Variants in NCK2 observed in about 807,000 individuals in gnomAD.
NCK2 encodes cytoplasmic protein NCK2.
In NCK2, 16 loss-of-function variants were observed where a neutral mutation model predicts 33.9. The ratio of observed to expected loss-of-function variants is 0.47; its 90% CI spans 0.32 to 0.72. NCK2 has a LOEUF of 0.72. NCK2 is among the 30% of genes least tolerant of loss of function. The pLI is 0.03. For missense variants in NCK2, 418 were observed against 537.3 expected (o/e 0.78, Z 2.19); for synonymous variants, 273 against 239.9 (o/e 1.14, Z -1.27).
At chr2:105,772,435 C>T (rs1301190906) in intron 1 of NCK2, among the ~76,000 whole-genome samples, 1 of 152,066 alleles carries the variant, frequency 6.6e-6, no homozygotes, top group Non-Finnish European at 1.5e-5. Context: ...TCCTGGGTTT[C>T]ACTTTAGCCC....
At chr2:105,781,164 C>T (rs1690483430) in intron 1 of NCK2, among the ~76,000 whole-genome samples, 1 of 147,856 alleles carries the variant, frequency 6.8e-6, no homozygotes, top group South Asian at 2.1e-4. Context: ...CTTCCCATTT[C>T]CTAGAGGTGC....
chr2:105,872,948 G>A (rs904807052), intron 3 of NCK2, among the ~76,000 whole-genome samples: 2 of 152,184 alleles, frequency 1.3e-5, no homozygotes, highest in Non-Finnish European at 2.9e-5. Flanking sequence ...CATTAGCAGC[G>A]CCTGTCCTCT....
At chr2:105,814,818 G>A (rs140855100) in intron 1 of NCK2, among the ~76,000 whole-genome samples, 289 of 152,324 alleles carry the variant, frequency 1.9e-3, no homozygotes, top group African/African-American at 6.7e-3. Flanking sequence ...CAGGGGGGAG[G>A]CCTGTATTTG....
intron 1 of NCK2, among the ~76,000 whole-genome samples, chr2:105,773,826 T>C (rs1366340915): frequency 6.6e-6 from 1 of 152,146 alleles, no homozygotes; most frequent in Non-Finnish European, 1.5e-5. Flanking sequence ...GAATCGGTAG[T>C]GGTGTGGACT....
intron 2 of NCK2, among the ~76,000 whole-genome samples, chr2:105,822,543 T>C (rs1044399642): frequency 2.0e-5 from 3 of 152,030 alleles, no homozygotes; most frequent in Non-Finnish European, 4.4e-5. Flanking sequence ...CGTTCTTGCA[T>C]AGTCAATAAC....
chr2:105,815,674 C>T (rs535244307), intron 1 of NCK2, among the ~76,000 whole-genome samples: 37 of 152,264 alleles, frequency 2.4e-4, no homozygotes, highest in Middle Eastern at 3.4e-3. Context: ...TTGGAGTGTT[C>T]GTCTCAGAAG....
chr2:105,794,375 T>C (rs1169066041), intron 1 of NCK2, among the ~76,000 whole-genome samples: 1 of 152,164 alleles, frequency 6.6e-6, no homozygotes, highest in African/African-American at 2.4e-5. Flanking sequence ...TTATATTTCC[T>C]TTATGCTGAA....
chr2:105,749,583 G>A (rs1226263209), intron 1 of NCK2, among the ~76,000 whole-genome samples: 2 of 152,192 alleles, frequency 1.3e-5, no homozygotes, highest in African/African-American at 2.4e-5. Context: ...GAACACCAAC[G>A]TGTTGCTGGG....
At chr2:105,857,116 C>G (rs1002808598) in intron 3 of NCK2, 1 of 150,466 alleles carries the variant, frequency 6.6e-6, no homozygotes, top group African/African-American at 2.5e-5. Flanking sequence ...CAAGGCAAGG[C>G]GAGTTCTCTG....
rs751947127 is a variant in NCK2, at chr2:105,870,041, G to A, written c.227-11287G>A. Among the ~76,000 whole-genome samples the A allele has an allele frequency of 3.3e-5, 5 of 152,116 alleles. No homozygotes were observed. The East Asian group carries it at 5.8e-4, about 18-fold the overall frequency. ...GGACACAAGGACCCATGTGGTGGTC[G>A]GGAGGGTGGGTCCTTTGCCCCAACA... On this transcript the variant is annotated intron_variant, in intron 3 of 4. Transcript: ENST00000233154.
chr2:105,751,777 G>C (rs915098819), intron 1 of NCK2, among the ~76,000 whole-genome samples: 2 of 152,130 alleles, frequency 1.3e-5, no homozygotes, highest in African/African-American at 4.8e-5. Context: ...TGCAGAAAAT[G>C]GTGCGTATGT....
intron 1 of NCK2, among the ~76,000 whole-genome samples, chr2:105,788,545 T>C (rs1312873183): frequency 6.6e-6 from 1 of 152,192 alleles, no homozygotes; most frequent in Non-Finnish European, 1.5e-5. Flanking sequence ...ATATTTTTGA[T>C]ATTTAACATA....
chr2:105,893,902 T>G lies in NCK2; in HGVS notation c.*726T>G, dbSNP rs567528806. On this transcript the variant is annotated 3_prime_UTR_variant, in exon 5 of 5. Transcript: ENST00000233154. ...TGTATTTAATTCTCAAAGAAATATG[T>G]ATCTGTAGCCGTTTGTTGACACTAA... 1 of 152,738 alleles carries G rather than the reference T, an allele frequency of 6.5e-6. No homozygotes were observed. Among genetic ancestry groups the G allele is most frequent in the African/African-American group, 2.4e-5 (1 of 41,548 alleles). The allele number at this position is 152,738 out of a possible 1,614,324, so 9.5% of individuals were successfully genotyped here.
Position 105,881,692 on chromosome 2 carries a change from G to A in NCK2, c.591G>A (p.Leu197=). The A allele has an allele frequency of 1.9e-6, 3 of 1,614,066 alleles. No individual in the cohort carries two copies. Among genetic ancestry groups the A allele is most frequent in the Non-Finnish European group, 2.5e-6 (3 of 1,179,940 alleles). Reference sequence around the variant, plus strand: ...GCAATGGCCAGGGCTCCCGCGTGCTGCATGTGGTCCAGACGCTGTACCCCT... The same window carrying A: ...GCAATGGCCAGGGCTCCCGCGTGCTACATGTGGTCCAGACGCTGTACCCCT... The part of the protein sequence containing the change: ...SLSNGQGSRV[L]HVVQTLYPFS... The change falls in exon 4 of 5, where the codon CTG becomes CTA. Residue 197 remains leucine (L), a synonymous_variant. Transcript: ENST00000233154.
chr2:105,823,345 G>T (rs187018265), intron 2 of NCK2, among the ~76,000 whole-genome samples: 3 of 151,942 alleles, frequency 2.0e-5, no homozygotes, highest in Non-Finnish European at 4.4e-5. Flanking sequence ...CTGGTGGAGG[G>T]TGTGGGAGGG....
chr2:105,825,483 A>G (rs1159145599), intron 2 of NCK2, among the ~76,000 whole-genome samples: 2 of 152,254 alleles, frequency 1.3e-5, no homozygotes, highest in East Asian at 3.8e-4. Context: ...AGCACTGGGC[A>G]CTGCAGCGCT....
chr2:105,829,096 C>T (rs1350170501), intron 2 of NCK2, among the ~76,000 whole-genome samples: 3 of 152,130 alleles, frequency 2.0e-5, no homozygotes, highest in African/African-American at 7.2e-5. Context: ...AGTACTCTTA[C>T]TGTCCCTTTC....
At chr2:105,810,583 T>C (rs922414053) in intron 1 of NCK2, among the ~76,000 whole-genome samples, 2 of 152,236 alleles carry the variant, frequency 1.3e-5, no homozygotes, top group Admixed American at 1.3e-4. Flanking sequence ...CTGGTGAACC[T>C]GTTAAAAAGG....
chr2:105,792,932 A>G (rs1690942772), intron 1 of NCK2, among the ~76,000 whole-genome samples: 1 of 152,078 alleles, frequency 6.6e-6, no homozygotes, highest in Non-Finnish European at 1.5e-5. Flanking sequence ...CTTGTCAGCT[A>G]TTACCCCGAC....
Sources: allele counts gnomAD v4.1 joint callset (sites outside exome capture counted in the v4.1 genomes callset), GRCh38; gene constraint gnomAD v4.1.1; transcripts MANE v1.5; gene names NCBI Gene and HGNC (gene_info 2026-07-23, HGNC 2026-07-21).